DLG2: variants seen among roughly 807,000 people sequenced by gnomAD.
DLG2 encodes the protein disks large homolog 2.
DLG2 carries 45 observed loss-of-function variants against 132.5 expected under a neutral mutation model. That is an observed-to-expected ratio of 0.34 (90% confidence interval 0.27 to 0.44). The LOEUF (loss-of-function observed/expected upper bound fraction) is 0.44, where lower values mean the gene tolerates loss of function less well. Among genes scored for constraint, DLG2 ranks in the 20% least tolerant of loss-of-function variants. The pLI, the probability that DLG2 is intolerant of heterozygous loss-of-function variation, is 1.00. For missense variants in DLG2, 1,045 were observed against 1,196.9 expected (o/e 0.87, Z 1.87); for synonymous variants, 424 against 419.6 (o/e 1.01, Z -0.13).
intron 11 of DLG2, among the ~76,000 whole-genome samples, chr11:83,988,071 C>T (rs1286594854): frequency 6.6e-6 from 1 of 151,924 alleles, no homozygotes; most frequent in Non-Finnish European, 1.5e-5. Context: ...CAATTTTTCT[C>T]CCATTCTGTA....
chr11:84,158,616 T>C (rs916010390), intron 9 of DLG2, among the ~76,000 whole-genome samples: 8 of 152,344 alleles, frequency 5.3e-5, no homozygotes, highest in Admixed American at 3.3e-4. Flanking sequence ...ATCTACCTCA[T>C]AGGAGTGTTA....
chr11:84,975,792 C>T (rs1221061217), intron 6 of DLG2, among the ~76,000 whole-genome samples: 1 of 152,184 alleles, frequency 6.6e-6, no homozygotes, highest in African/African-American at 2.4e-5. Context: ...CTGTCTTCCT[C>T]TCCTGGTCCT....
chr11:84,944,879 C>T (rs549545442), intron 6 of DLG2, among the ~76,000 whole-genome samples: 1 of 152,062 alleles, frequency 6.6e-6, no homozygotes, highest in East Asian at 1.9e-4. Context: ...CTGGGATTAC[C>T]GGCGTGAGCC....
At chr11:84,232,555 T>C (rs2097107481) in intron 8 of DLG2, among the ~76,000 whole-genome samples, 2 of 152,204 alleles carry the variant, frequency 1.3e-5, no homozygotes, top group Admixed American at 6.5e-5. Context: ...GACCATTAGG[T>C]TATGAGGTGG....
intron 6 of DLG2, among the ~76,000 whole-genome samples, chr11:84,983,813 T>G (rs1188830379): frequency 1.3e-5 from 2 of 152,146 alleles, no homozygotes; most frequent in Admixed American, 1.3e-4. Context: ...CAGTCAAAAC[T>G]TCAGGAAATA....
At chr11:85,408,192 C>CT (rs547438965) in intron 3 of DLG2, among the ~76,000 whole-genome samples, 12 of 148,034 alleles carry the variant, frequency 8.1e-5, no homozygotes, top group African/African-American at 2.2e-4. Flanking sequence ...TTATAGAAAT[C>CT]TTTTTTTTGA....
At chr11:83,752,449 A>AAAGGAGTGT (rs1187994615) in intron 18 of DLG2, among the ~76,000 whole-genome samples, 1 of 152,154 alleles carries the variant, frequency 6.6e-6, no homozygotes, top group Non-Finnish European at 1.5e-5. Flanking sequence ...CTTCTAGGAG[A>AAAGGAGTGT]AAGGAGTGTT....
intron 6 of DLG2, among the ~76,000 whole-genome samples, chr11:84,916,850 G>C (rs903663530): frequency 6.6e-6 from 1 of 152,150 alleles, no homozygotes. Context: ...TGCCAGGCAG[G>C]CTTCTAGCTC....
At chr11:84,663,249 A>ATAT (rs1425202654) in intron 6 of DLG2, among the ~76,000 whole-genome samples, 17 of 102,306 alleles carry the variant, frequency 1.7e-4, no homozygotes, top group African/African-American at 4.0e-4. Flanking sequence ...ATATATATAT[A>ATAT]TTTTTTTTTC....
chr11:85,414,901 T>G (rs779200249), intron 3 of DLG2, among the ~76,000 whole-genome samples: 5 of 152,126 alleles, frequency 3.3e-5, no homozygotes, highest in Non-Finnish European at 7.4e-5. Flanking sequence ...GGGAGACATG[T>G]GCAGAACGTG....
At chr11:84,929,459 C>T (rs1287072087) in intron 6 of DLG2, among the ~76,000 whole-genome samples, 2 of 152,036 alleles carry the variant, frequency 1.3e-5, no homozygotes, top group Non-Finnish European at 1.5e-5. Context: ...TGGCAATACT[C>T]AGGCAAAATT....
chr11:83,825,682 G>C (rs1482949843), intron 17 of DLG2, among the ~76,000 whole-genome samples: 1 of 152,124 alleles, frequency 6.6e-6, no homozygotes, highest in East Asian at 1.9e-4. Flanking sequence ...TCAGCACAGA[G>C]GGGACAGGGC....
chr11:84,639,789 A>G (rs2099652408), intron 6 of DLG2, among the ~76,000 whole-genome samples: 1 of 152,000 alleles, frequency 6.6e-6, no homozygotes, highest in South Asian at 2.1e-4. Context: ...TCTTCTTGAT[A>G]TATCCAATTC....
chr11:83,816,352 C>T (rs2048918327), intron 17 of DLG2, among the ~76,000 whole-genome samples: 1 of 152,130 alleles, frequency 6.6e-6, no homozygotes. Context: ...ATTTTGGAAC[C>T]TGTATTTTCC....
intron 4 of DLG2, among the ~76,000 whole-genome samples, chr11:85,185,231 C>G (rs1305633915): frequency 6.6e-6 from 1 of 151,878 alleles, no homozygotes; most frequent in East Asian, 1.9e-4. Context: ...ATGTTTTACC[C>G]TTTTACTCTT....
intron 7 of DLG2, among the ~76,000 whole-genome samples, chr11:84,260,206 T>C (rs1396000032): frequency 6.6e-6 from 1 of 152,140 alleles, no homozygotes; most frequent in African/African-American, 2.4e-5. Context: ...TAGAGACCAG[T>C]AGATCCCACA....
At chr11:83,491,511 C>T (rs2093843268) in intron 21 of DLG2, among the ~76,000 whole-genome samples, 1 of 152,016 alleles carries the variant, frequency 6.6e-6, no homozygotes, top group South Asian at 2.1e-4. Context: ...ATTTCTAAGA[C>T]TGATCATGCT....
chr11:85,152,424 A>T (rs532623890), intron 5 of DLG2, among the ~76,000 whole-genome samples: 1 of 152,072 alleles, frequency 6.6e-6, no homozygotes, highest in East Asian at 1.9e-4. Flanking sequence ...TATTTAGTAG[A>T]GATGGGGTTT....
rs375775898 is a variant in DLG2, at chr11:84,227,817, G to A, written c.573+23421C>T. Among the ~76,000 whole-genome samples the A allele has an allele frequency of 9.9e-5, 15 of 151,772 alleles. No homozygotes were observed. The East Asian group carries it at 2.5e-3, about 26-fold the overall frequency. ...TACACCCAGCTGCTCAGGAGGCTGA[G>A]GCAGGAGAATCACTTGAACTCGGGA... On this transcript the variant is annotated intron_variant, in intron 8 of 27. Coordinates refer to ENST00000376104, the MANE Select transcript of DLG2 (RefSeq NM_001142699.3).
Sources: gnomAD v4.1 joint callset for allele counts (sites outside exome capture counted in the v4.1 genomes callset) on GRCh38, gnomAD v4.1.1 for gene constraint, MANE v1.5 for transcripts, NCBI Gene and HGNC (gene_info 2026-07-23, HGNC 2026-07-21) for gene names.